RBMS2: variants seen among roughly 807,000 people sequenced by gnomAD.
RBMS2 encodes the protein RNA binding motif single stranded interacting protein 2, also known as RNA-binding motif, single-stranded-interacting protein 2.
Under a neutral mutation model 58.4 loss-of-function variants are expected in RBMS2, and 38 were observed. That is an observed-to-expected ratio of 0.65 (90% CI 0.50 to 0.85). RBMS2 has a LOEUF of 0.85. Among genes scored for constraint, RBMS2 ranks in the 40% least tolerant of loss-of-function variants. The pLI, the probability that RBMS2 is intolerant of heterozygous loss-of-function variation, is 0.00. For missense variants in RBMS2, 367 were observed against 503.7 expected, an observed-to-expected ratio of 0.73 and a Z score of 2.60; for synonymous variants, 151 against 180.7, an observed-to-expected ratio of 0.84 and a Z score of 1.32.
In RBMS2 at chr12:56,588,559, C is replaced by A. The variant is rs1335865704; in HGVS notation, c.1143+185C>A. 1.3e-5 allele frequency: 8 copies of A among 616,070 alleles called. No homozygotes were observed. In the Admixed American group the frequency reaches 2.1e-4, roughly 16 times the overall value. The allele number at this position is 616,070 out of a possible 1,614,324, so 38.2% of individuals were successfully genotyped here. A position where few individuals can be genotyped will look rare whatever the true frequency, so the allele number is the denominator to read the frequency against. ...CATGCATACTAAAATTGGAACAATA[C>A]AGAGAAGATTATGGCCCCTGTGCAA... On this transcript the variant is annotated intron_variant, in intron 12 of 13. Transcript: ENST00000262031.
intron 1 of RBMS2, among the ~76,000 whole-genome samples, chr12:56,538,912 C>T (rs1875526684): frequency 6.6e-6 from 1 of 152,024 alleles, no homozygotes. Flanking sequence ...CCTTGGTTAA[C>T]CTTATTCTTA....
At chr12:56,529,047 G>T (rs917242922) in intron 1 of RBMS2, among the ~76,000 whole-genome samples, 2 of 152,084 alleles carry the variant, frequency 1.3e-5, no homozygotes, top group African/African-American at 4.8e-5. Flanking sequence ...GTTCTCAAAA[G>T]GTTAAGGAAA....
chr12:56,556,061 G>A (rs1376846127), intron 1 of RBMS2, among the ~76,000 whole-genome samples: 1 of 149,314 alleles, frequency 6.7e-6, no homozygotes, highest in African/African-American at 2.5e-5. Flanking sequence ...AAAAAAAAAA[G>A]GAGAGAGGGA....
At chr12:56,528,328 T>C (rs541271077) in intron 1 of RBMS2, among the ~76,000 whole-genome samples, 2 of 151,880 alleles carry the variant, frequency 1.3e-5, no homozygotes, top group East Asian at 3.9e-4. Flanking sequence ...AGTCTTTGAA[T>C]TTGTTAGTGT....
chr12:56,589,019 G>T lies in RBMS2; in HGVS notation c.*6+1G>T. 1 of 1,614,222 alleles carries T rather than the reference G, an allele frequency of 6.2e-7. No homozygotes were observed. Among genetic ancestry groups the T allele is most frequent in the Non-Finnish European group, 8.5e-7 (1 of 1,180,022 alleles). On this transcript the variant is annotated splice_donor_variant, in intron 13 of 13. Coordinates refer to ENST00000262031, the MANE Select transcript of RBMS2 (RefSeq NM_002898.4). LOFTEE classifies it low-confidence loss of function (3UTR_SPLICE). Reference sequence around the variant, plus strand: ...TTTCCAGTTCAACAAGTAACAGTGGGTAAGAACCACATGCTGGGGGGCAGG... The same window carrying T: ...TTTCCAGTTCAACAAGTAACAGTGGTTAAGAACCACATGCTGGGGGGCAGG...
At chr12:56,577,035 CAAAAAA>C (rs60298708) in intron 5 of RBMS2, among the ~76,000 whole-genome samples, 8 of 63,636 alleles carry the variant, frequency 1.3e-4, no homozygotes, top group African/African-American at 4.5e-4. Context: ...AGTGAGATTC[CAAAAAA>C]AAAAAAAAAA....
chr12:56,557,956 T>C (rs1879544766), intron 1 of RBMS2, among the ~76,000 whole-genome samples: 1 of 147,692 alleles, frequency 6.8e-6, no homozygotes, highest in South Asian at 2.2e-4. Flanking sequence ...CAGGCTGGTC[T>C]CCAACTCCCG....
At chr12:56,570,944 A>C (rs1882196591) in intron 4 of RBMS2, among the ~76,000 whole-genome samples, 1 of 152,202 alleles carries the variant, frequency 6.6e-6, no homozygotes, top group Non-Finnish European at 1.5e-5. Context: ...CCTGCTAGAC[A>C]CCTTTTCTGT....
intron 4 of RBMS2, 35 bp downstream of exon 4, chr12:56,570,025 G>A (rs1882025156): frequency 1.3e-6 from 2 of 1,562,806 alleles, no homozygotes; most frequent in Admixed American, 1.7e-5. Context: ...TCCTCCAAGG[G>A]GTTTGTGGTT....
chr12:56,536,125 G>A (rs1046874832), intron 1 of RBMS2, among the ~76,000 whole-genome samples: 18 of 149,684 alleles, frequency 1.2e-4, no homozygotes, highest in African/African-American at 4.4e-4. Context: ...ACTTGAACCT[G>A]GGAGGTGGAT....
At chr12:56,526,132 C>A (rs1331030222) in intron 1 of RBMS2, among the ~76,000 whole-genome samples, 1 of 151,516 alleles carries the variant, frequency 6.6e-6, no homozygotes, top group Non-Finnish European at 1.5e-5. Context: ...CATGGTGAAA[C>A]CCCGTCAATA....
intron 13 of RBMS2, 47 bp from the exon 14 acceptor site, chr12:56,589,093 G>A: frequency 1.9e-6 from 3 of 1,607,566 alleles, no homozygotes; most frequent in Non-Finnish European, 2.5e-6. Context: ...AAGTCAGACA[G>A]GTTCTCATGT....
intron 3 of RBMS2, among the ~76,000 whole-genome samples, chr12:56,569,590 T>G (rs1470943699): frequency 6.6e-6 from 1 of 152,094 alleles, no homozygotes; most frequent in Non-Finnish European, 1.5e-5. Context: ...GAGTGAATTC[T>G]TTTAGAGGTG....
chr12:56,573,359 C>A (rs1189479931), intron 5 of RBMS2, among the ~76,000 whole-genome samples: 1 of 151,242 alleles, frequency 6.6e-6, no homozygotes, highest in Non-Finnish European at 1.5e-5. Context: ...CTCCTGTAGT[C>A]CCAGCTACTC....
At chr12:56,545,613 A>G (rs1877017784) in intron 1 of RBMS2, among the ~76,000 whole-genome samples, 1 of 152,150 alleles carries the variant, frequency 6.6e-6, no homozygotes, top group Admixed American at 6.6e-5. Context: ...CTAAGTAGTC[A>G]CTAATTTACT....
At chr12:56,578,461 A>G (rs758631424) in intron 5 of RBMS2, among the ~76,000 whole-genome samples, 1 of 152,208 alleles carries the variant, frequency 6.6e-6, no homozygotes, top group South Asian at 2.1e-4. Flanking sequence ...TTTATTGCAT[A>G]TACAGAAGCA....
chr12:56,521,750 A>T (rs1373451370), upstream of RBMS2, among the ~76,000 whole-genome samples: 1 of 151,854 alleles, frequency 6.6e-6, no homozygotes, highest in African/African-American at 2.4e-5. Flanking sequence ...CATCTTGGGC[A>T]TTAGGACCCA....
intron 1 of RBMS2, among the ~76,000 whole-genome samples, chr12:56,543,210 C>G (rs982577142): frequency 1.5e-4 from 23 of 151,112 alleles, no homozygotes; most frequent in African/African-American, 4.4e-4. Flanking sequence ...AGGCCGGGCG[C>G]AGTGGCTCAC....
chr12:56,532,080 A>G (rs1873848165), intron 1 of RBMS2, among the ~76,000 whole-genome samples: 1 of 151,610 alleles, frequency 6.6e-6, no homozygotes, highest in Admixed American at 6.6e-5. Context: ...TTAGCTGGGC[A>G]TGGTGATGCA....
Sources: gnomAD v4.1 joint callset for allele counts (sites outside exome capture counted in the v4.1 genomes callset) on GRCh38, gnomAD v4.1.1 for gene constraint, MANE v1.5 for transcripts, NCBI Gene and HGNC (gene_info 2026-07-23, HGNC 2026-07-21) for gene names.